The following PLPP1 variants were observed in gnomAD, a reference collection of about 807,000 sequenced individuals.
PLPP1 encodes the protein lipid phosphate phosphohydrolase 1a.
PLPP1 carries 24 observed loss-of-function variants against 31.2 expected under a neutral mutation model. That is an observed-to-expected ratio of 0.77 (90% CI 0.56 to 1.08). The LOEUF is 1.08. Among genes scored for constraint, PLPP1 ranks in the 50% least tolerant of loss-of-function variants. The pLI, the probability that PLPP1 is intolerant of heterozygous loss-of-function variation, is 0.00. For missense variants in PLPP1, 319 were observed against 342.7 expected (o/e 0.93, Z 0.55); for synonymous variants, 146 against 126.3 (o/e 1.16, Z -1.05).
chr5:55,515,735 T>C (rs1398414872), intron 1 of PLPP1, among the ~76,000 whole-genome samples: 1 of 152,074 alleles, frequency 6.6e-6, no homozygotes, highest in Non-Finnish European at 1.5e-5. Context: ...TTCTCAGTCT[T>C]GGTGGTCTTA....
intron 1 of PLPP1, among the ~76,000 whole-genome samples, chr5:55,529,731 G>A (rs1353124831): frequency 6.7e-6 from 1 of 150,282 alleles, no homozygotes; most frequent in Non-Finnish European, 1.5e-5. Context: ...TTTCTATTCT[G>A]CAACTCTAAT....
At chr5:55,454,018 A>C (rs762472908) in intron 3 of PLPP1, among the ~76,000 whole-genome samples, 1 of 152,164 alleles carries the variant, frequency 6.6e-6, no homozygotes, top group African/African-American at 2.4e-5. Context: ...ACAAACCATA[A>C]GAAGAAAGGA....
At position 55,432,022 on chromosome 5, in the gene PLPP1, A is replaced by C. The variant is rs572027321; in HGVS notation, c.550-5983T>G. ...CTGTAACCTCAGCCTCCTGGGTTCA[A>C]GTGATCCTCCCGTCTCAGTCTCCTG... On this transcript the variant is annotated intron_variant, in intron 4 of 5. Transcript: ENST00000307259. Among the ~76,000 whole-genome samples, 4 of 152,240 alleles carry C rather than the reference A, an allele frequency of 2.6e-5. No individual in the cohort carries two copies. The South Asian group carries it at 8.3e-4, about 32-fold the overall frequency.
chr5:55,474,511 G>A (rs1003214811), intron 2 of PLPP1, among the ~76,000 whole-genome samples: 2 of 152,034 alleles, frequency 1.3e-5, no homozygotes, highest in African/African-American at 2.4e-5. Flanking sequence ...CTGAAATACC[G>A]GAAAACAACA....
chr5:55,429,608 C>G (rs1013137238), intron 4 of PLPP1, among the ~76,000 whole-genome samples: 1 of 152,208 alleles, frequency 6.6e-6, no homozygotes, highest in Non-Finnish European at 1.5e-5. Flanking sequence ...GCTCATCCCC[C>G]CGAGTCCTAA....
At chr5:55,452,496 A>G (rs1033312518) in intron 3 of PLPP1, among the ~76,000 whole-genome samples, 1 of 152,146 alleles carries the variant, frequency 6.6e-6, no homozygotes, top group Non-Finnish European at 1.5e-5. Context: ...TTTATTAATT[A>G]CCCAGTCTCA....
intron 1 of PLPP1, among the ~76,000 whole-genome samples, chr5:55,511,715 G>A (rs1396332424): frequency 7.7e-6 from 1 of 130,308 alleles, no homozygotes; most frequent in Admixed American, 8.9e-5. Flanking sequence ...CCAGGCTGGA[G>A]TGCAGTGGCG....
chr5:55,499,074 G>C (rs971366883), intron 1 of PLPP1, among the ~76,000 whole-genome samples: 1 of 152,164 alleles, frequency 6.6e-6, no homozygotes, highest in Non-Finnish European at 1.5e-5. Flanking sequence ...GGAAAGTAGA[G>C]GGATAAGATT....
chr5:55,472,023 G>A (rs1752426386), intron 2 of PLPP1, among the ~76,000 whole-genome samples: 1 of 152,162 alleles, frequency 6.6e-6, no homozygotes, highest in Non-Finnish European at 1.5e-5. Flanking sequence ...TCAGGTGGCT[G>A]AAGCAGGAGA....
intron 1 of PLPP1, among the ~76,000 whole-genome samples, chr5:55,521,810 A>C (rs1462491066): frequency 1.3e-5 from 2 of 152,234 alleles, no homozygotes; most frequent in African/African-American, 4.8e-5. Context: ...AAATGAGGCT[A>C]ATACTATGTA....
rs1280774342 is a variant in PLPP1 at position 55,490,961 on chromosome 5, G to A, written c.59-15511C>T. 3.7e-6 allele frequency: 6 copies of A among 1,607,116 alleles called. No individual in the cohort carries two copies. In the South Asian group the frequency reaches 5.6e-5, roughly 15 times the overall value. ...CTACCTACTTATTAATTTACTTACA[G>A]AGGAAATGGGCAAGCCAACCCCCAC... On this transcript the variant is annotated intron_variant, in intron 1 of 5. Coordinates refer to ENST00000307259, the MANE Select transcript of PLPP1 (RefSeq NM_003711.4).
intron 1 of PLPP1, among the ~76,000 whole-genome samples, chr5:55,495,638 A>C (rs2111865771): frequency 6.6e-6 from 1 of 152,266 alleles, no homozygotes; most frequent in Middle Eastern, 3.4e-3. Flanking sequence ...AAAGAAACTT[A>C]GTATTGAGCA....
intron 4 of PLPP1, among the ~76,000 whole-genome samples, chr5:55,432,277 G>A (rs374122818): frequency 2.0e-5 from 3 of 151,806 alleles, no homozygotes; most frequent in Non-Finnish European, 4.4e-5. Context: ...TGCATGAACT[G>A]GAAAGCCCAG....
chr5:55,436,883 A>G (rs1751504434), intron 4 of PLPP1, among the ~76,000 whole-genome samples: 1 of 152,318 alleles, frequency 6.6e-6, no homozygotes, highest in East Asian at 1.9e-4. Context: ...AACCCCCACA[A>G]GGCAATGGGA....
intron 3 of PLPP1, among the ~76,000 whole-genome samples, chr5:55,443,001 CAA>C (rs1751659908): frequency 1.3e-5 from 2 of 151,214 alleles, no homozygotes; most frequent in South Asian, 2.1e-4. Context: ...AGAACAAAAA[CAA>C]GAGGGACCGG....
At chr5:55,507,610 A>G (rs931833494) in intron 1 of PLPP1, among the ~76,000 whole-genome samples, 1 of 152,194 alleles carries the variant, frequency 6.6e-6, no homozygotes, top group African/African-American at 2.4e-5. Context: ...CAATCCTTCA[A>G]TAAGTTTAAA....
At chr5:55,483,166 A>G (rs1752704633) in intron 1 of PLPP1, among the ~76,000 whole-genome samples, 1 of 152,134 alleles carries the variant, frequency 6.6e-6, no homozygotes, top group Non-Finnish European at 1.5e-5. Flanking sequence ...ATTAATAAAA[A>G]ATATTTCTTA....
intron 1 of PLPP1, among the ~76,000 whole-genome samples, chr5:55,502,436 G>A (rs1340979464): frequency 2.0e-5 from 3 of 151,448 alleles, no homozygotes; most frequent in South Asian, 2.1e-4. Context: ...GCAGTGAGCC[G>A]AGATCGTGCC....
intron 1 of PLPP1, among the ~76,000 whole-genome samples, chr5:55,511,455 G>A (rs1753405702): frequency 6.6e-6 from 1 of 151,878 alleles, no homozygotes; most frequent in African/African-American, 2.4e-5. Flanking sequence ...TATACATGCA[G>A]TAATATCACA....
Sources: allele counts gnomAD v4.1 joint callset (sites outside exome capture counted in the v4.1 genomes callset), GRCh38; gene constraint gnomAD v4.1.1; transcripts MANE v1.5; gene names NCBI Gene and HGNC (gene_info 2026-07-23, HGNC 2026-07-21).